The following TTF2 variants were observed in gnomAD, a reference collection of about 807,000 sequenced individuals.
TTF2 encodes transcription termination factor 2, also known as RNA polymerase II termination factor.
Under a neutral mutation model 142.4 loss-of-function variants are expected in TTF2, and 108 were observed. The observed-to-expected ratio is 0.76, with a 90% confidence interval of 0.65 to 0.89. TTF2 has a LOEUF of 0.89. Among genes scored for constraint, TTF2 ranks in the 40% least tolerant of loss-of-function variants. TTF2 has a pLI of 0.00. For synonymous variants in TTF2, 483 were observed against 506.2 expected, an observed-to-expected ratio of 0.95 and a Z score of 0.61; for missense variants, 1,327 against 1,379.8, an observed-to-expected ratio of 0.96 and a Z score of 0.61.
In TTF2 at chr1:117,092,148, T is replaced by C. The variant is rs941287963; in HGVS notation, c.2805+198T>C. Among the ~76,000 whole-genome samples the C allele has an allele frequency of 6.6e-6, 1 of 152,216 alleles. No homozygotes were observed. Among genetic ancestry groups the C allele is most frequent in the African/African-American group, 2.4e-5 (1 of 41,452 alleles). On this transcript the variant is annotated intron_variant, in intron 17 of 22. Coordinates refer to ENST00000369466, the MANE Select transcript of TTF2 (RefSeq NM_003594.4). This position sits in a 1 kb window ranked among gnomAD's most constrained non-coding sequence, Gnocchi z 4.4. Reference sequence around the variant, plus strand: ...CTTTATTTCATATTAATCTTGATAATTCCTATGGCATCAAGAATAGTGTAT... The same window carrying C: ...CTTTATTTCATATTAATCTTGATAACTCCTATGGCATCAAGAATAGTGTAT...
At chr1:117,095,251 G>A (rs1649011645) in intron 18 of TTF2, 58 bp from the exon 19 acceptor site, 3 of 1,561,164 alleles carry the variant, frequency 1.9e-6, no homozygotes, top group East Asian at 2.2e-5. Context: ...GGCAGGTGAG[G>A]GGAGATGGAG....
intron 10 of TTF2, chr1:117,082,206 A>C (rs559316459): frequency 4.0e-4 from 179 of 444,346 alleles, no homozygotes; most frequent in Middle Eastern, 3.2e-3. Context: ...CACTTAATTT[A>C]AGCATAATAA....
At chr1:117,095,395 A>G (rs767690469) in intron 19 of TTF2, 28 bp downstream of exon 19, 1 of 1,606,530 alleles carries the variant, frequency 6.2e-7, no homozygotes, top group Non-Finnish European at 8.5e-7. Flanking sequence ...TTATCCAAGT[A>G]TTGGTCATAA....
Position 117,101,649 on chromosome 1 carries a change from C to A in TTF2, c.*125C>A, listed in dbSNP as rs1041690705. On this transcript the variant is annotated 3_prime_UTR_variant, in exon 23 of 23. Coordinates refer to ENST00000369466, the MANE Select transcript of TTF2 (RefSeq NM_003594.4). The surrounding 1 kb of genome is among the most constrained non-coding windows in gnomAD (Gnocchi z 5.9). ...TTCAATTTCACCGTCAAGCCTTTCA[C>A]CTTCCTCAAAATGAGGCATAATCTT... is the stretch of plus-strand genomic sequence containing the variant. 5.4e-6 allele frequency: 6 copies of A among 1,118,404 alleles called. No individual in the cohort carries two copies. The highest frequency in any genetic ancestry group is 2.8e-5 in the Admixed American group (1 of 35,232). 69.3% of individuals were successfully genotyped at this position (1,118,404 alleles called of 1,614,324 possible).
rs1649756871 is a variant in TTF2 at position 117,103,743 on chromosome 1, A to C, written c.*2219A>C. On this transcript the variant is annotated 3_prime_UTR_variant, in exon 23 of 23. Coordinates refer to ENST00000369466, the MANE Select transcript of TTF2 (RefSeq NM_003594.4). ...GCCGAGGCAGACGGATCACGAGGTC[A>C]AGAGATCAAGACCATCTTGGCCAAC... is the stretch of plus-strand genomic sequence containing the variant. 6.6e-6 allele frequency: 1 copy of C among 152,240 alleles called. No homozygotes were observed. The highest frequency in any genetic ancestry group is 1.5e-5 in the Non-Finnish European group (1 of 68,102). 9.4% of individuals were successfully genotyped at this position (152,240 alleles called of 1,614,324 possible).
At chr1:117,065,693 G>A (rs1168542330) in intron 3 of TTF2, among the ~76,000 whole-genome samples, 2 of 152,112 alleles carry the variant, frequency 1.3e-5, no homozygotes, top group Non-Finnish European at 2.9e-5. Flanking sequence ...GTGTTTTTTA[G>A]TGCTGTTGTA....
In TTF2 at chr1:117,091,916, G is replaced by A. The variant is rs199572074; in HGVS notation, c.2771G>A (p.Arg924His). The change falls in exon 17 of 23, where the codon CGC (arginine) becomes CAC (histidine). Residue 924 changes from arginine to histidine, a missense_variant. Physicochemically the swap from Arg to His is conservative, Grantham distance 29 (BLOSUM62 0). Coordinates refer to ENST00000369466, the MANE Select transcript of TTF2 (RefSeq NM_003594.4). The part of the protein sequence containing the change: ...VHILSQLLRL[R>H]QCCCHLSLLK... Reference sequence around the variant, plus strand: ...ATACTGTCCCAGTTGCTGAGACTCCGCCAGTGTTGCTGTCATCTTTCTTTA... The same window carrying A: ...ATACTGTCCCAGTTGCTGAGACTCCACCAGTGTTGCTGTCATCTTTCTTTA... 55 of 1,612,626 alleles carry A rather than the reference G, an allele frequency of 3.4e-5. No homozygotes were observed. The highest frequency in any genetic ancestry group is 4.2e-5 in the Non-Finnish European group (50 of 1,179,688).
chr1:117,073,782 G>A lies in TTF2; in HGVS notation c.285+55G>A. The A allele has an allele frequency of 6.6e-7, 1 of 1,517,956 alleles. No individual in the cohort carries two copies. Among genetic ancestry groups the A allele is most frequent in the Non-Finnish European group, 9.1e-7 (1 of 1,100,482 alleles). 94.0% of individuals were successfully genotyped at this position (1,517,956 alleles called of 1,614,324 possible). ...GCTGTGTTAAGACTTTTAATATGCA[G>A]CATCACCTGAAAATACCTTGAAGTT... is the stretch of plus-strand genomic sequence containing the variant. On this transcript the variant is annotated intron_variant, in intron 4 of 22. Coordinates refer to ENST00000369466, the MANE Select transcript of TTF2 (RefSeq NM_003594.4). The surrounding 1 kb of genome is among the most constrained non-coding windows in gnomAD (Gnocchi z 4.4).
In TTF2 at chr1:117,075,858, A is replaced by G; in HGVS notation, c.1274A>G (p.Lys425Arg). 1 of 1,601,418 alleles carries G rather than the reference A, an allele frequency of 6.2e-7. No individual in the cohort carries two copies. The highest frequency in any genetic ancestry group is 8.5e-7 in the Non-Finnish European group (1 of 1,175,288). ...VYLTTQLKQK[K>R]STLASVNIQA... ...CTTACAACACAACTGAAACAAAAGAAGGTAACTATTGACTCGTGTTTTGTT... is the reference window on the plus strand; with the variant it reads ...CTTACAACACAACTGAAACAAAAGAGGGTAACTATTGACTCGTGTTTTGTT... Residue 425 changes from lysine (K) to arginine (R), a missense_variant and splice_region_variant, in exon 5 of 23, where the codon AAG becomes AGG. Coordinates refer to ENST00000369466, the MANE Select transcript of TTF2 (RefSeq NM_003594.4). This position sits in a 1 kb window ranked among gnomAD's most constrained non-coding sequence, Gnocchi z 4.5.
At position 117,102,652 on chromosome 1, in the gene TTF2, A is replaced by C. The variant is rs913794567; in HGVS notation, c.*1128A>C. On this transcript the variant is annotated 3_prime_UTR_variant, in exon 23 of 23. Coordinates refer to ENST00000369466, the MANE Select transcript of TTF2 (RefSeq NM_003594.4). ...TTTTAATAGTATTTGTATTTTTACA[A>C]ATTTGCAGTATTTGTAGCATTTAGT... 6.6e-6 allele frequency: 1 copy of C among 152,138 alleles called. No homozygotes were observed. The highest frequency in any genetic ancestry group is 1.5e-5 in the Non-Finnish European group (1 of 68,022). The allele number at this position is 152,138 out of a possible 1,614,324, so 9.4% of individuals were successfully genotyped here.
At chr1:117,077,515 T>TGAGGA (rs1351694966) in intron 7 of TTF2, among the ~76,000 whole-genome samples, 2 of 152,190 alleles carry the variant, frequency 1.3e-5, no homozygotes, top group African/African-American at 4.8e-5. Context: ...TGTGTAAGAC[T>TGAGGA]GAGGAGAGAC....
intron 10 of TTF2, among the ~76,000 whole-genome samples, chr1:117,082,529 G>A (rs1370489855): frequency 6.6e-6 from 1 of 151,976 alleles, no homozygotes; most frequent in African/African-American, 2.4e-5. Context: ...TATTATTTTT[G>A]GAAATATTGG....
intron 3 of TTF2, among the ~76,000 whole-genome samples, chr1:117,065,570 T>C (rs954385903): frequency 6.6e-5 from 10 of 152,286 alleles, no homozygotes; most frequent in East Asian, 5.8e-4. Context: ...GCACTCCAGC[T>C]TGGGTGACAG....
chr1:117,106,709 T>A lies in TTF2; in HGVS notation c.*5185T>A, dbSNP rs185658569. ...AGTTAGGGAAGATCTGAGGAAGTGA[T>A]GAAAGAATGGAAATCAATATGTAAG... On this transcript the variant is annotated 3_prime_UTR_variant, in exon 23 of 23. Transcript: ENST00000369466. 2.0e-5 allele frequency: 3 copies of A among 152,306 alleles called. No homozygotes were observed. Among genetic ancestry groups the A allele is most frequent in the African/African-American group, 7.2e-5 (3 of 41,552 alleles). The allele number at this position is 152,306 out of a possible 1,614,324, so 9.4% of individuals were successfully genotyped here. A position where few individuals can be genotyped will look rare whatever the true frequency, so the allele number is the denominator to read the frequency against.
At chr1:117,098,936 C>A in intron 22 of TTF2, 29 bp downstream of exon 22, 1 of 1,582,230 alleles carries the variant, frequency 6.3e-7, no homozygotes, top group Non-Finnish European at 8.6e-7. Flanking sequence ...GACCCAGGAC[C>A]CTTCTCAACT....
Position 117,088,996 on chromosome 1 carries a change from C to T in TTF2, c.2342+14C>T, listed in dbSNP as rs781311640. The stretch of plus-strand genomic sequence containing the variant: ...TTCGCTGCTGAAGTGAGTAACTTCT[C>T]GTGATTGTGTAAATATGAACCCTGT... On this transcript the variant is annotated intron_variant, in intron 13 of 22. Transcript: ENST00000369466. 1.1e-5 allele frequency: 18 copies of T among 1,589,870 alleles called. No homozygotes were observed. In the South Asian group the frequency reaches 1.1e-4, roughly 10 times the overall value.
At chr1:117,061,242 A>G (rs1429938004) in intron 2 of TTF2, among the ~76,000 whole-genome samples, 1 of 151,970 alleles carries the variant, frequency 6.6e-6, no homozygotes. Flanking sequence ...ATTAAAAAAA[A>G]TTGTCTAGGC....
chr1:117,103,220 C>G lies in TTF2; in HGVS notation c.*1696C>G, dbSNP rs903483686. ...GATGGCTCCCCATGTACACTTCCCT[C>G]CTCGCCCCAGCTCACCTACACTGGA... On this transcript the variant is annotated 3_prime_UTR_variant, in exon 23 of 23. Transcript: ENST00000369466. 1.3e-5 allele frequency: 2 copies of G among 152,106 alleles called. No homozygotes were observed. The highest frequency in any genetic ancestry group is 1.3e-4 in the Admixed American group (2 of 15,282). 9.4% of individuals were successfully genotyped at this position (152,106 alleles called of 1,614,324 possible).
chr1:117,080,095 C>T lies in TTF2; in HGVS notation c.1783+446C>T, dbSNP rs947570032. 2.0e-4 allele frequency among the ~76,000 whole-genome samples: 31 copies of T among 151,838 alleles called. No individual in the cohort carries two copies. Among genetic ancestry groups the T allele is most frequent in the Admixed American group, 9.8e-4 (15 of 15,254 alleles). On this transcript the variant is annotated intron_variant, in intron 9 of 22. Coordinates refer to ENST00000369466, the MANE Select transcript of TTF2 (RefSeq NM_003594.4). The surrounding 1 kb of genome is among the most constrained non-coding windows in gnomAD (Gnocchi z 4.3). ...TGCGATCTCGGCTCACTGCAACCTC[C>T]GCTTCCCAAGTTCAAGTGATTCTCC...
Sources: gnomAD v4.1 joint callset for allele counts (sites outside exome capture counted in the v4.1 genomes callset) on GRCh38, gnomAD v4.1.1 for gene constraint, Gnocchi (gnomAD v3.1) non-coding constraint, MANE v1.5 for transcripts, NCBI Gene and HGNC (gene_info 2026-07-23, HGNC 2026-07-21) for gene names.